Variants in TP63 observed in about 807,000 individuals in gnomAD.
The protein encoded by TP63 is tumor protein p63.
In TP63, 17 loss-of-function variants were observed where a neutral mutation model predicts 82.8. The observed-to-expected ratio is 0.21, with a 90% CI of 0.14 to 0.31. The LOEUF (loss-of-function observed/expected upper bound fraction) is 0.31, where lower values mean the gene tolerates loss of function less well. Among genes scored for constraint, TP63 ranks in the 10% least tolerant of loss-of-function variants. TP63 has a pLI of 1.00. For synonymous variants in TP63, 330 were observed against 321.7 expected, an observed-to-expected ratio of 1.03 and a Z score of -0.28; for missense variants, 648 against 895.3, an observed-to-expected ratio of 0.72 and a Z score of 3.52.
intron 3 of TP63, among the ~76,000 whole-genome samples, chr3:189,778,931 AAT>A (rs1724022927): frequency 6.6e-6 from 1 of 152,212 alleles, no homozygotes; most frequent in African/African-American, 2.4e-5. Context: ...CCAAGTTACA[AAT>A]AATTCCTTAG....
At chr3:189,834,429 C>G (rs1577063922) in intron 4 of TP63, among the ~76,000 whole-genome samples, 1 of 152,170 alleles carries the variant, frequency 6.6e-6, no homozygotes, top group African/African-American at 2.4e-5. Context: ...TATGCACTTG[C>G]TAATAAGGTG....
intron 1 of TP63, among the ~76,000 whole-genome samples, chr3:189,669,132 A>G (rs1714664501): frequency 6.6e-6 from 1 of 152,024 alleles, no homozygotes; most frequent in African/African-American, 2.4e-5. Context: ...ACCAAAAGAT[A>G]ATGGAATAGC....
rs1209607056 is a variant in TP63, at chr3:189,771,300, T to TTA, written c.324+32535_324+32536dup. ...ATATATATATAAATATATATTATAT[T>TTA]TATATATATAATATATTATATATTT... is the stretch of plus-strand genomic sequence containing the variant. On this transcript the variant is annotated intron_variant, in intron 3 of 13. Transcript: ENST00000264731. Among the ~76,000 whole-genome samples the TTA allele has an allele frequency of 1.8e-3, 178 of 99,280 alleles. 1 individual carries two copies. The highest frequency in any genetic ancestry group is 0.01 in the African/African-American group (175 of 16,670). 65.1% of individuals were successfully genotyped at this position (99,280 alleles called of 152,430 possible).
chr3:189,838,376 A>T (rs1411205450), intron 4 of TP63, among the ~76,000 whole-genome samples: 4 of 152,208 alleles, frequency 2.6e-5, no homozygotes, highest in African/African-American at 9.7e-5. Context: ...TCTATGGCAC[A>T]ACTAAGACAG....
intron 4 of TP63, among the ~76,000 whole-genome samples, chr3:189,836,533 C>G (rs1713176174): frequency 6.6e-6 from 1 of 152,122 alleles, no homozygotes; most frequent in African/African-American, 2.4e-5. Context: ...GTTAATAATT[C>G]TCATTCATCT....
chr3:189,659,095 G>T (rs1193045441), intron 1 of TP63, among the ~76,000 whole-genome samples: 2 of 151,552 alleles, frequency 1.3e-5, no homozygotes, highest in Non-Finnish European at 3.0e-5. Flanking sequence ...TTAGATTCAT[G>T]GGGTACATGT....
At chr3:189,607,644 A>G in the TP63 span, among the ~76,000 whole-genome samples, 1 of 151,806 alleles carries the variant, frequency 6.6e-6, no homozygotes, top group Non-Finnish European at 1.5e-5. Flanking sequence ...ATAAGATTAA[A>G]TGAAAAATTA....
chr3:189,656,328 C>T (rs1713358590), intron 1 of TP63, among the ~76,000 whole-genome samples: 1 of 151,954 alleles, frequency 6.6e-6, no homozygotes, highest in South Asian at 2.1e-4. Context: ...TATTTCAACT[C>T]TAAATCACTA....
intron 1 of TP63, among the ~76,000 whole-genome samples, chr3:189,700,690 A>G (rs1717737580): frequency 6.6e-6 from 1 of 152,164 alleles, no homozygotes; most frequent in Non-Finnish European, 1.5e-5. Context: ...TAAACTTTCC[A>G]TTTTGATCTT....
chr3:189,740,688 C>T (rs776104039), intron 3 of TP63, among the ~76,000 whole-genome samples: 2 of 151,972 alleles, frequency 1.3e-5, no homozygotes, highest in Non-Finnish European at 2.9e-5. Flanking sequence ...TTAGTAGAGA[C>T]GGGGTTTCAC....
At chr3:189,840,053 A>C (rs150717924) in intron 4 of TP63, among the ~76,000 whole-genome samples, 44 of 152,298 alleles carry the variant, frequency 2.9e-4, no homozygotes, top group Non-Finnish European at 5.4e-4. Flanking sequence ...GACATAAAGA[A>C]CTTAGCGAAG....
chr3:189,659,285 C>T (rs1254331070), intron 1 of TP63, among the ~76,000 whole-genome samples: 2 of 151,980 alleles, frequency 1.3e-5, no homozygotes, highest in East Asian at 1.9e-4. Context: ...GATTAGCTCC[C>T]ACTTATACAT....
At chr3:189,849,770 T>C (rs1177649332) in intron 4 of TP63, among the ~76,000 whole-genome samples, 1 of 152,176 alleles carries the variant, frequency 6.6e-6, no homozygotes, top group Non-Finnish European at 1.5e-5. Context: ...AAGCGCGTGC[T>C]CAATAAATAT....
the TP63 span, among the ~76,000 whole-genome samples, chr3:189,620,207 C>T: frequency 6.6e-6 from 1 of 150,432 alleles, no homozygotes; most frequent in Non-Finnish European, 1.5e-5. Flanking sequence ...CCCATCTCTA[C>T]TAAAAATACA....
chr3:189,806,551 T>C (rs1265715158), intron 3 of TP63, among the ~76,000 whole-genome samples: 1 of 152,210 alleles, frequency 6.6e-6, no homozygotes, highest in Non-Finnish European at 1.5e-5. Flanking sequence ...ACCATTTATA[T>C]GGGCTCAGGT....
At position 189,779,818 on chromosome 3, in the gene TP63, G is replaced by T. The variant is rs183240324; in HGVS notation, c.325-28454G>T. Among the ~76,000 whole-genome samples, 403 of 152,158 alleles carry T rather than the reference G, an allele frequency of 2.6e-3. 2 individuals carry two copies. The highest frequency in any genetic ancestry group is 4.9e-3 in the Non-Finnish European group (330 of 68,014). On this transcript the variant is annotated intron_variant, in intron 3 of 13. Transcript: ENST00000264731. ...GCCAACTTCACAGACTTATTATATGGATCAAACCAGAACAGACATCTCCCA... is the reference window on the plus strand; with the variant it reads ...GCCAACTTCACAGACTTATTATATGTATCAAACCAGAACAGACATCTCCCA...
At chr3:189,730,940 T>G (rs527333483) in intron 1 of TP63, among the ~76,000 whole-genome samples, 1 of 152,364 alleles carries the variant, frequency 6.6e-6, no homozygotes, top group African/African-American at 2.4e-5. Context: ...TAAGTTTGCA[T>G]GCTCCAATGG....
intron 1 of TP63, among the ~76,000 whole-genome samples, chr3:189,725,928 A>C (rs1719743819): frequency 6.6e-6 from 1 of 152,028 alleles, no homozygotes; most frequent in Non-Finnish European, 1.5e-5. Context: ...GCTGGCACGC[A>C]CCTGTAATCC....
the TP63 span, among the ~76,000 whole-genome samples, chr3:189,608,483 A>G: frequency 1.3e-5 from 2 of 152,154 alleles, no homozygotes; most frequent in Non-Finnish European, 2.9e-5. Context: ...ACAGAGAGAT[A>G]AGGCAATGGT....
Sources: allele counts gnomAD v4.1 joint callset (sites outside exome capture counted in the v4.1 genomes callset), GRCh38; gene constraint gnomAD v4.1.1; transcripts MANE v1.5; gene names NCBI Gene and HGNC (gene_info 2026-07-23, HGNC 2026-07-21).